Variants in CCDC187 observed in about 807,000 individuals in gnomAD.
CCDC187 encodes the protein coiled-coil domain-containing protein 187.
Under a neutral mutation model 38.0 loss-of-function variants are expected in CCDC187, and 32 were observed. The ratio of observed to expected loss-of-function variants is 0.84; its 90% confidence interval spans 0.64 to 1.13. The LOEUF is 1.13. Among genes scored for constraint, CCDC187 ranks in the 50% most tolerant of loss-of-function variants. The probability of loss-of-function intolerance (pLI) is 0.00; values close to 1 mark genes in which losing one functional copy is unlikely to be tolerated. For synonymous variants in CCDC187, 333 were observed against 347.9 expected (o/e 0.96, Z 0.48); for missense variants, 707 against 786.8 (o/e 0.90, Z 1.21).
chr9:136,306,237 C>T (rs1030315613), upstream of CCDC187, among the ~76,000 whole-genome samples: 5 of 152,338 alleles, frequency 3.3e-5, no homozygotes, highest in Non-Finnish European at 7.4e-5. Context: ...CACATCCCCA[C>T]CCTACTCCGG....
chr9:136,286,869 T>G (rs1007433874), intron 7 of CCDC187, among the ~76,000 whole-genome samples, 174 bp from the exon 8 acceptor site: 4,032 of 152,256 alleles, frequency 0.026, 66 homozygotes, highest in Middle Eastern at 0.078. Context: ...ACCACACAGC[T>G]GCCGCAAAGA....
chr9:136,294,983 T>C (rs1456614621), intron 4 of CCDC187, among the ~76,000 whole-genome samples: 1 of 152,238 alleles, frequency 6.6e-6, no homozygotes, highest in African/African-American at 2.4e-5. Context: ...CATGCCTCAG[T>C]TTCCCCATCT....
At chr9:136,281,320 G>T in intron 10 of CCDC187, 1 of 397,886 alleles carries the variant, frequency 2.5e-6, no homozygotes, top group Non-Finnish European at 4.4e-6. Context: ...AAGCACGTGG[G>T]TCTCATCCAC....
rs1235453471 is a variant in CCDC187, at chr9:136,262,301, A to G, written c.4064+10T>C. ...CCCGACCCCCGACCCCCTAAGACCAACCAACTCACCGCGTGGCCTTTGAGC... is the reference window on the plus strand; with the variant it reads ...CCCGACCCCCGACCCCCTAAGACCAGCCAACTCACCGCGTGGCCTTTGAGC... On this transcript the variant is annotated intron_variant, in intron 19 of 25. Coordinates refer to ENST00000638797, the MANE Select transcript of CCDC187 (RefSeq NM_001378188.1). The G allele has an allele frequency of 5.1e-6, 5 of 986,020 alleles. No individual in the cohort carries two copies. In the African/African-American group the frequency reaches 8.7e-5, roughly 17 times the overall value. 61.1% of individuals were successfully genotyped at this position (986,020 alleles called of 1,614,324 possible).
At chr9:136,279,983 C>T (rs1017857880) in intron 10 of CCDC187, among the ~76,000 whole-genome samples, 2,577 of 152,320 alleles carry the variant, frequency 0.017, 32 homozygotes, top group Non-Finnish European at 0.027. Context: ...TGCCAGACAC[C>T]GGCATCTTGT....
In CCDC187 at chr9:136,252,379, A is replaced by G. The variant is rs71483274; in HGVS notation, c.*1215T>C. ...CAGCCGGCCGCCCACCCCGTCCACC[A>G]GGGGAAGGTCCAGGCAACCGTCCCG... On this transcript the variant is annotated 3_prime_UTR_variant, in exon 26 of 26. Transcript: ENST00000638797. 527 of 64,082 alleles carry G rather than the reference A, an allele frequency of 8.2e-3. 7 individuals carry two copies. The highest frequency in any genetic ancestry group is 0.05 in the Middle Eastern group (3 of 60). 4.0% of individuals were successfully genotyped at this position (64,082 alleles called of 1,614,324 possible).
At chr9:136,256,382 C>A in intron 23 of CCDC187, 59 bp from the exon 24 acceptor site, 2 of 842,110 alleles carry the variant, frequency 2.4e-6, no homozygotes, top group Non-Finnish European at 2.9e-6. Flanking sequence ...CTGTCCACCT[C>A]CCGTAGCTGG....
At chr9:136,300,174 A>G in intron 3 of CCDC187, 46 bp downstream of exon 3, 3 of 398,384 alleles carry the variant, frequency 7.5e-6, no homozygotes, top group Non-Finnish European at 1.3e-5. Context: ...TCATGGCCTG[A>G]GCATCCAACC....
chr9:136,267,800 G>A, intron 15 of CCDC187: 1 of 968,176 alleles, frequency 1.0e-6, no homozygotes, highest in Non-Finnish European at 1.2e-6. Context: ...TATACAACCT[G>A]GGCGGGGGCT....
Position 136,285,419 on chromosome 9 carries a change from G to A in CCDC187, c.2927+94C>T, listed in dbSNP as rs1331221136. 17 of 284,432 alleles carry A rather than the reference G, an allele frequency of 6.0e-5. 1 individual carries two copies. Among genetic ancestry groups the A allele is most frequent in the South Asian group, 5.1e-4 (5 of 9,782 alleles). 17.6% of individuals were successfully genotyped at this position (284,432 alleles called of 1,614,324 possible). On this transcript the variant is annotated intron_variant, in intron 9 of 25. Coordinates refer to ENST00000638797, the MANE Select transcript of CCDC187 (RefSeq NM_001378188.1). Reference sequence around the variant, plus strand: ...GTGAAGTGAGAGGCAGCCCGTGAGCGTGGGCGGGCAGGTGGGCAGGTGGGC... The same window carrying A: ...GTGAAGTGAGAGGCAGCCCGTGAGCATGGGCGGGCAGGTGGGCAGGTGGGC...
rs1830764859 is a variant in CCDC187 at position 136,267,373 on chromosome 9, C to T, written c.3647+11G>A. ...GGCGGGGCGGGGCCGGCGCCAGGCG[C>T]ATGCGCTCACCCTCGTCGATGCTCC... On this transcript the variant is annotated intron_variant, in intron 16 of 25. Coordinates refer to ENST00000638797, the MANE Select transcript of CCDC187 (RefSeq NM_001378188.1). 1 of 985,100 alleles carries T rather than the reference C, an allele frequency of 1.0e-6. No homozygotes were observed. The highest frequency in any genetic ancestry group is 1.8e-5 in the African/African-American group (1 of 56,906). The allele number at this position is 985,100 out of a possible 1,614,324, so 61.0% of individuals were successfully genotyped here.
At position 136,258,984 on chromosome 9, in the gene CCDC187, C is replaced by T; in HGVS notation, c.4314G>A (p.Gly1438=). ...GPAFPAEEAE[G]RLPTAQCRSR... ...ACCTGCACTGAGCTGTGGGGAGGCG[C>T]CCCTCCGCCTCCTCGGCCTGGGGGG... Residue 1438 remains glycine, a synonymous_variant, in exon 22 of 26, where the codon GGG becomes GGA. Transcript: ENST00000638797. This position sits in a 1 kb window ranked among gnomAD's most constrained non-coding sequence, Gnocchi z 4.3. 1.0e-6 allele frequency: 1 copy of T among 985,818 alleles called. No individual in the cohort carries two copies. Among genetic ancestry groups the T allele is most frequent in the Non-Finnish European group, 1.2e-6 (1 of 830,286 alleles). 61.1% of individuals were successfully genotyped at this position (985,818 alleles called of 1,614,324 possible).
intron 7 of CCDC187, among the ~76,000 whole-genome samples, chr9:136,286,921 C>T (rs36159026): frequency 0.57 from 87,118 of 152,092 alleles, 25,716 homozygotes; most frequent in Non-Finnish European, 0.65. Flanking sequence ...AACTGGATCC[C>T]GGGCACTGCC....
Position 136,256,226 on chromosome 9 carries a change from C to T in CCDC187, c.4601G>A (p.Arg1534Gln). Residue 1534 changes from arginine (R) to glutamine (Q), a missense_variant, in exon 24 of 26, where the codon CGA becomes CAA. Physicochemically the swap from Arg to Gln is conservative, Grantham distance 43. Transcript: ENST00000638797. The stretch of plus-strand genomic sequence containing the variant: ...AGCCCCACACCTCTGCTCCCCCGAT[C>T]GCCAGCTCTCGGTTTCCTGGGACTC... ...VEESQETESW[R>Q]SGEQRTEACQ... 4 of 985,616 alleles carry T rather than the reference C, an allele frequency of 4.1e-6. No individual in the cohort carries two copies. The highest frequency in any genetic ancestry group is 4.8e-6 in the Non-Finnish European group (4 of 830,062). The allele number at this position is 985,616 out of a possible 1,614,324, so 61.1% of individuals were successfully genotyped here.
At chr9:136,283,288 G>A (rs1831089839) in intron 9 of CCDC187, among the ~76,000 whole-genome samples, 1 of 152,218 alleles carries the variant, frequency 6.6e-6, no homozygotes. Context: ...AAACCAGTCT[G>A]AGAGGCGGCC....
At chr9:136,281,220 A>T (rs1831033022) in intron 10 of CCDC187, 5 of 394,500 alleles carry the variant, frequency 1.3e-5, no homozygotes, top group African/African-American at 2.1e-5. Flanking sequence ...GTAGCAGAAG[A>T]AAAAGTCGAA....
chr9:136,294,063 C>G (rs1241203076), intron 4 of CCDC187, among the ~76,000 whole-genome samples: 6 of 151,140 alleles, frequency 4.0e-5, no homozygotes, highest in Non-Finnish European at 7.4e-5. Context: ...CACATGTGCT[C>G]TCACACACTC....
At chr9:136,293,225 ACAC>A (rs1831389762) in intron 4 of CCDC187, among the ~76,000 whole-genome samples, 1 of 147,660 alleles carries the variant, frequency 6.8e-6, no homozygotes, top group Non-Finnish European at 1.5e-5. Flanking sequence ...TCACACACTC[ACAC>A]TCACACGCTC....
At chr9:136,303,454 T>C (rs1011381517) in intron 1 of CCDC187, among the ~76,000 whole-genome samples, 161 bp from the exon 2 acceptor site, 3 of 152,184 alleles carry the variant, frequency 2.0e-5, no homozygotes, top group African/African-American at 7.2e-5. Flanking sequence ...GCCCCGGCAT[T>C]CTCTCTCAAG....
Sources: gnomAD v4.1 joint callset for allele counts (sites outside exome capture counted in the v4.1 genomes callset) on GRCh38, gnomAD v4.1.1 for gene constraint, Gnocchi (gnomAD v3.1) non-coding constraint, MANE v1.5 for transcripts, NCBI Gene and HGNC (gene_info 2026-07-23, HGNC 2026-07-21) for gene names.